Variants in ELMO1 observed in about 807,000 individuals in gnomAD.
ELMO1 encodes engulfment and cell motility protein 1.
A neutral mutation model predicts 98.9 loss-of-function variants in ELMO1; 26 were observed. The ratio of observed to expected loss-of-function variants is 0.26; its 90% CI spans 0.19 to 0.36. The LOEUF (loss-of-function observed/expected upper bound fraction) is 0.36, where lower values mean the gene tolerates loss of function less well. ELMO1 is among the 10% of genes least tolerant of loss of function. The pLI, the probability that ELMO1 is intolerant of heterozygous loss-of-function variation, is 1.00. For synonymous variants in ELMO1, 346 were observed against 346.0 expected, an observed-to-expected ratio of 1.00 and a Z score of 0.00; for missense variants, 627 against 935.2, an observed-to-expected ratio of 0.67 and a Z score of 4.30.
intron 2 of ELMO1, among the ~76,000 whole-genome samples, chr7:37,323,283 CT>C (rs1339838918): frequency 2.0e-5 from 3 of 152,226 alleles, no homozygotes; most frequent in African/African-American, 7.2e-5. Context: ...ATGTATTCCT[CT>C]TTTTATCTTA....
At chr7:36,973,724 G>C (rs778448422) in intron 16 of ELMO1, among the ~76,000 whole-genome samples, 2 of 152,226 alleles carry the variant, frequency 1.3e-5, no homozygotes, top group African/African-American at 2.4e-5. Flanking sequence ...CAGCTCCCTC[G>C]GCTTGCAGGG....
At chr7:37,345,544 T>C (rs572504268) in intron 1 of ELMO1, among the ~76,000 whole-genome samples, 41 of 152,222 alleles carry the variant, frequency 2.7e-4, no homozygotes, top group Admixed American at 9.8e-4. Flanking sequence ...ACCTCATCTC[T>C]ACTAAAAAAT....
chr7:36,901,768 C>G (rs1184656621), intron 16 of ELMO1, among the ~76,000 whole-genome samples: 1 of 152,006 alleles, frequency 6.6e-6, no homozygotes, highest in Non-Finnish European at 1.5e-5. Flanking sequence ...TATAAGGTTC[C>G]CTCTGAATCA....
intron 6 of ELMO1, among the ~76,000 whole-genome samples, chr7:37,249,848 G>A (rs192684012): frequency 1.3e-5 from 2 of 152,292 alleles, no homozygotes; most frequent in African/African-American, 4.8e-5. Context: ...GGAGGCCAAG[G>A]CAGGAGGATT....
At chr7:37,151,133 A>G (rs1338410849) in intron 13 of ELMO1, among the ~76,000 whole-genome samples, 1 of 152,234 alleles carries the variant, frequency 6.6e-6, no homozygotes, top group Non-Finnish European at 1.5e-5. Flanking sequence ...AGAAGAGGCC[A>G]GGAAGAGGAT....
At chr7:37,307,582 T>G (rs1324809514) in intron 4 of ELMO1, among the ~76,000 whole-genome samples, 1 of 152,180 alleles carries the variant, frequency 6.6e-6, no homozygotes, top group Non-Finnish European at 1.5e-5. Flanking sequence ...ATATTAACAT[T>G]TTATCAGGCT....
intron 15 of ELMO1, 50 bp from the exon 16 acceptor site, chr7:37,013,485 C>T (rs1454520063): frequency 6.2e-7 from 1 of 1,600,926 alleles, no homozygotes; most frequent in East Asian, 2.3e-5. Context: ...AACAGTGAAA[C>T]ACGAGAACAT....
At chr7:37,052,800 A>C (rs1006767092) in intron 15 of ELMO1, among the ~76,000 whole-genome samples, 2 of 152,232 alleles carry the variant, frequency 1.3e-5, no homozygotes, top group South Asian at 4.1e-4. Context: ...GGTAGGGATA[A>C]GGTTAGGGCC....
At chr7:37,181,335 G>A (rs563901588) in intron 13 of ELMO1, among the ~76,000 whole-genome samples, 1 of 152,110 alleles carries the variant, frequency 6.6e-6, no homozygotes, top group East Asian at 1.9e-4. Context: ...CCGAGAAGGA[G>A]GATGCCCGCC....
intron 13 of ELMO1, among the ~76,000 whole-genome samples, chr7:37,199,951 CA>C (rs1792192662): frequency 6.6e-6 from 1 of 152,166 alleles, no homozygotes; most frequent in Admixed American, 6.5e-5. Context: ...GGCCCTGCCC[CA>C]TGACTTAATG....
At chr7:36,941,763 CA>C (rs1787057577) in intron 16 of ELMO1, among the ~76,000 whole-genome samples, 1 of 152,176 alleles carries the variant, frequency 6.6e-6, no homozygotes, top group Admixed American at 6.5e-5. Flanking sequence ...CATGTACTTT[CA>C]AAGGATTGAA....
At chr7:36,946,472 C>T (rs1273276951) in intron 16 of ELMO1, among the ~76,000 whole-genome samples, 3 of 152,198 alleles carry the variant, frequency 2.0e-5, no homozygotes, top group African/African-American at 7.2e-5. Context: ...CTGGAATTCT[C>T]CCAACTGCTT....
chr7:37,030,621 CA>C (rs1304081512), intron 15 of ELMO1, among the ~76,000 whole-genome samples: 5 of 152,256 alleles, frequency 3.3e-5, no homozygotes, highest in African/African-American at 1.2e-4. Flanking sequence ...TACTACCTCA[CA>C]GGGGAAAAAA....
At position 36,855,480 on chromosome 7, in the gene ELMO1, G is replaced by A; in HGVS notation, c.*71C>T. The A allele has an allele frequency of 1.9e-6, 3 of 1,585,286 alleles. No homozygotes were observed. Among genetic ancestry groups the A allele is most frequent in the Non-Finnish European group, 1.7e-6 (2 of 1,156,538 alleles). Reference sequence around the variant, plus strand: ...CAAAGGACGGTTCCAAGGCGTGGGTGTGTTTTCATTCCTCTCTCCTGTTAG... The same window carrying A: ...CAAAGGACGGTTCCAAGGCGTGGGTATGTTTTCATTCCTCTCTCCTGTTAG... On this transcript the variant is annotated 3_prime_UTR_variant, in exon 22 of 22. Transcript: ENST00000310758. The surrounding 1 kb of genome is among the most constrained non-coding windows in gnomAD (Gnocchi z 4.2).
intron 13 of ELMO1, among the ~76,000 whole-genome samples, chr7:37,158,074 A>C (rs1788928520): frequency 6.6e-6 from 1 of 152,232 alleles, no homozygotes; most frequent in Non-Finnish European, 1.5e-5. Flanking sequence ...CTATTTAATA[A>C]ATGGTGCTGG....
At chr7:37,211,658 A>C in intron 12 of ELMO1, 141 bp from the exon 13 acceptor site, 1 of 1,186,580 alleles carries the variant, frequency 8.4e-7, no homozygotes, top group Non-Finnish European at 1.1e-6. Flanking sequence ...AAGAGAACCA[A>C]TGTTCTAAGT....
intron 1 of ELMO1, among the ~76,000 whole-genome samples, chr7:37,365,344 C>T (rs71539831): frequency 0.038 from 5,760 of 152,258 alleles, 230 homozygotes; most frequent in East Asian, 0.22. Flanking sequence ...TAAGAGTGGA[C>T]CCAGGAGCTT....
chr7:37,079,863 G>A (rs761209490), intron 15 of ELMO1, among the ~76,000 whole-genome samples: 6 of 152,120 alleles, frequency 3.9e-5, no homozygotes, highest in Non-Finnish European at 8.8e-5. Context: ...CTTTCATTCA[G>A]TCTCATAGCT....
chr7:36,920,189 C>T (rs1490300443), intron 16 of ELMO1, among the ~76,000 whole-genome samples: 1 of 152,172 alleles, frequency 6.6e-6, no homozygotes, highest in Admixed American at 6.5e-5. Context: ...TTATGAACTA[C>T]CTGAAAAATA....
Sources: allele counts gnomAD v4.1 joint callset (sites outside exome capture counted in the v4.1 genomes callset), GRCh38; gene constraint gnomAD v4.1.1; non-coding constraint Gnocchi (gnomAD v3.1); transcripts MANE v1.5; gene names NCBI Gene and HGNC (gene_info 2026-07-23, HGNC 2026-07-21).